The following PTPRG variants were observed in gnomAD, a reference collection of about 807,000 sequenced individuals.
The protein encoded by PTPRG is protein tyrosine phosphatase receptor type G.
PTPRG carries 102 observed loss-of-function variants against 165.3 expected under a neutral mutation model. The observed-to-expected ratio is 0.62, with a 90% CI of 0.53 to 0.73. The LOEUF (loss-of-function observed/expected upper bound fraction) is 0.73, where lower values mean the gene tolerates loss of function less well. PTPRG is among the 30% of genes least tolerant of loss of function. The pLI is 0.00. For synonymous variants in PTPRG, 675 were observed against 669.5 expected, an observed-to-expected ratio of 1.01 and a Z score of -0.13; for missense variants, 1,866 against 1,861.4, an observed-to-expected ratio of 1.00 and a Z score of -0.05.
chr3:61,679,638 G>T (rs527303855), intron 1 of PTPRG, among the ~76,000 whole-genome samples: 2 of 152,194 alleles, frequency 1.3e-5, no homozygotes, highest in Admixed American at 1.3e-4. Flanking sequence ...AAAATTAGCT[G>T]GGTGTGGTGG....
chr3:61,903,664 G>A (rs552886335), intron 2 of PTPRG, among the ~76,000 whole-genome samples: 2 of 152,236 alleles, frequency 1.3e-5, no homozygotes, highest in South Asian at 2.1e-4. Context: ...GTGAGCCACC[G>A]TGCCCGGGCC....
At chr3:61,997,721 C>T (rs914150398) in intron 3 of PTPRG, among the ~76,000 whole-genome samples, 4 of 152,192 alleles carry the variant, frequency 2.6e-5, no homozygotes, top group Admixed American at 6.5e-5. Flanking sequence ...CTGATTTACC[C>T]ACCTTTTTCT....
At chr3:61,821,679 G>A (rs769191759) in intron 2 of PTPRG, among the ~76,000 whole-genome samples, 2 of 152,174 alleles carry the variant, frequency 1.3e-5, no homozygotes, top group Non-Finnish European at 2.9e-5. Context: ...AAATATGAAA[G>A]TTAAAGAGAT....
chr3:61,899,123 G>C (rs1281592292), intron 2 of PTPRG, among the ~76,000 whole-genome samples: 2 of 152,080 alleles, frequency 1.3e-5, no homozygotes, highest in East Asian at 3.9e-4. Context: ...CATTCTGTTA[G>C]CCAGGCTGTA....
chr3:62,191,563 A>C lies in PTPRG; in HGVS notation c.1128A>C (p.Pro376=), dbSNP rs1201629274. The change falls in exon 9 of 30, where the codon CCA becomes CCC. Residue 376 remains proline, a synonymous_variant. Transcript: ENST00000474889. ...SWSQPETIYH[P]PIMNYMISYS... is the part of the protein sequence containing the mutation. ...GCCAGCCGGAGACTATCTACCACCC[A>C]CCCATCATGAACTACATGATCTCCT... The C allele has an allele frequency of 3.1e-6, 5 of 1,613,866 alleles. No homozygotes were observed. The South Asian group carries it at 3.3e-5, about 11-fold the overall frequency.
chr3:61,847,092 C>A (rs1019429855), intron 2 of PTPRG, among the ~76,000 whole-genome samples: 3 of 152,094 alleles, frequency 2.0e-5, no homozygotes, highest in Non-Finnish European at 4.4e-5. Context: ...AATTCCTAAC[C>A]CCTAGTACTT....
chr3:61,595,094 GGTTTCT>G (rs72471241), intron 1 of PTPRG, among the ~76,000 whole-genome samples: 3,944 of 152,110 alleles, frequency 0.026, 169 homozygotes, highest in African/African-American at 0.088. Context: ...TACGTTCTTT[GGTTTCT>G]GTCTGGACAT....
chr3:61,911,265 C>T (rs1350412150), intron 2 of PTPRG, among the ~76,000 whole-genome samples: 1 of 152,146 alleles, frequency 6.6e-6, no homozygotes, highest in Non-Finnish European at 1.5e-5. Context: ...GAGGTCAGTA[C>T]CTGTGCCTTT....
chr3:61,868,793 T>A (rs1023942929), intron 2 of PTPRG, among the ~76,000 whole-genome samples: 8 of 152,202 alleles, frequency 5.3e-5, no homozygotes, highest in Admixed American at 3.3e-4. Flanking sequence ...CTAGTTCTCA[T>A]GTTATTTGGA....
chr3:61,830,715 C>T (rs933371434), intron 2 of PTPRG, among the ~76,000 whole-genome samples: 1 of 151,908 alleles, frequency 6.6e-6, no homozygotes, highest in African/African-American at 2.4e-5. Flanking sequence ...GCTGGGATTA[C>T]AGGCACGCGC....
chr3:62,265,894 T>TACACACACAC (rs1250968284), intron 17 of PTPRG, among the ~76,000 whole-genome samples: 11 of 26,532 alleles, frequency 4.1e-4, no homozygotes, highest in African/African-American at 1.6e-3. Context: ...CTGTGCCTTA[T>TACACACACAC]ATACACACAC....
At chr3:61,821,405 G>A (rs1186158038) in intron 2 of PTPRG, among the ~76,000 whole-genome samples, 3 of 152,128 alleles carry the variant, frequency 2.0e-5, no homozygotes, top group South Asian at 2.1e-4. Flanking sequence ...TCCTGACCTC[G>A]TGATCCACCC....
chr3:61,911,213 G>T (rs1002161698), intron 2 of PTPRG, among the ~76,000 whole-genome samples: 4 of 152,274 alleles, frequency 2.6e-5, no homozygotes, highest in East Asian at 1.9e-4. Flanking sequence ...GACAAAGAGG[G>T]GAAGGGGGCA....
chr3:61,851,370 T>G (rs2036958607), intron 2 of PTPRG, among the ~76,000 whole-genome samples: 1 of 152,176 alleles, frequency 6.6e-6, no homozygotes, highest in Admixed American at 6.5e-5. Flanking sequence ...GAATGGTTCC[T>G]CAAGAGAGGA....
At chr3:62,269,724 G>A (rs1385975267) in intron 20 of PTPRG, among the ~76,000 whole-genome samples, 1 of 152,006 alleles carries the variant, frequency 6.6e-6, no homozygotes, top group African/African-American at 2.4e-5. Context: ...ACATTTTTGT[G>A]GAAATACTGT....
chr3:61,849,295 G>A (rs548303645), intron 2 of PTPRG, among the ~76,000 whole-genome samples: 2 of 152,254 alleles, frequency 1.3e-5, no homozygotes, highest in South Asian at 4.1e-4. Context: ...ACATAATGGT[G>A]GATGGTTTGT....
chr3:61,577,963 A>G (rs1439141790), intron 1 of PTPRG, among the ~76,000 whole-genome samples: 1 of 152,254 alleles, frequency 6.6e-6, no homozygotes, highest in Admixed American at 6.5e-5. Context: ...TGGGTTTAAC[A>G]GTCCCTGCTC....
intron 2 of PTPRG, among the ~76,000 whole-genome samples, chr3:61,836,146 T>A (rs964734211): frequency 6.7e-6 from 1 of 150,118 alleles, no homozygotes; most frequent in Non-Finnish European, 1.5e-5. Flanking sequence ...TTTGTAGGCC[T>A]GCTCTTTGTT....
intron 2 of PTPRG, among the ~76,000 whole-genome samples, chr3:61,756,623 G>A (rs2033643165): frequency 6.6e-6 from 1 of 152,144 alleles, no homozygotes; most frequent in Non-Finnish European, 1.5e-5. Flanking sequence ...CATTTTCTCT[G>A]TGGAGGTGGT....
Sources: allele counts gnomAD v4.1 joint callset (sites outside exome capture counted in the v4.1 genomes callset), GRCh38; gene constraint gnomAD v4.1.1; transcripts MANE v1.5; gene names NCBI Gene and HGNC (gene_info 2026-07-23, HGNC 2026-07-21).